L3MBTL4: variants seen among roughly 807,000 people sequenced by gnomAD.
The protein encoded by L3MBTL4 is L3MBTL histone methyl-lysine binding protein 4, also known as lethal(3)malignant brain tumor-like protein 4.
L3MBTL4 carries 70 observed loss-of-function variants against 84.5 expected under a neutral mutation model. The observed-to-expected ratio is 0.83, with a 90% CI of 0.68 to 1.01. The LOEUF (loss-of-function observed/expected upper bound fraction) is 1.01. L3MBTL4 is among the 50% of genes least tolerant of loss of function. The pLI is 0.00. For synonymous variants in L3MBTL4, 274 were observed against 259.8 expected, an observed-to-expected ratio of 1.05 and a Z score of -0.52; for missense variants, 715 against 754.8, an observed-to-expected ratio of 0.95 and a Z score of 0.62.
intron 5 of L3MBTL4, among the ~76,000 whole-genome samples, chr18:6,253,138 G>T (rs981282391): frequency 5.9e-5 from 9 of 152,146 alleles, no homozygotes; most frequent in Non-Finnish European, 1.2e-4. Context: ...GGAGGTGGAG[G>T]TTGCAATGAG....
At chr18:6,230,897 G>A (rs556328724) in intron 10 of L3MBTL4, among the ~76,000 whole-genome samples, 2 of 152,174 alleles carry the variant, frequency 1.3e-5, no homozygotes, top group African/African-American at 4.8e-5. Flanking sequence ...AAAAATGTCT[G>A]TTCATGTCCT....
intron 1 of L3MBTL4, among the ~76,000 whole-genome samples, chr18:6,378,890 A>G (rs562892067): frequency 1.2e-4 from 18 of 152,290 alleles, no homozygotes; most frequent in African/African-American, 3.8e-4. Context: ...ATAGCATTGA[A>G]TCTATAAATT....
chr18:6,197,819 A>G (rs1359217270), intron 12 of L3MBTL4, among the ~76,000 whole-genome samples: 2 of 152,212 alleles, frequency 1.3e-5, no homozygotes, highest in East Asian at 1.9e-4. Flanking sequence ...TTCTATAGGT[A>G]CAAACTCATT....
intron 16 of L3MBTL4, among the ~76,000 whole-genome samples, chr18:6,002,728 A>G (rs924303496): frequency 3.3e-5 from 5 of 152,024 alleles, no homozygotes; most frequent in Non-Finnish European, 5.9e-5. Flanking sequence ...TCAAATTGTC[A>G]CAACAAAAAT....
At chr18:6,266,447 T>C (rs536179687) in intron 4 of L3MBTL4, among the ~76,000 whole-genome samples, 27 of 152,354 alleles carry the variant, frequency 1.8e-4, no homozygotes, top group African/African-American at 6.0e-4. Flanking sequence ...TTGCTGTGAA[T>C]GTTCCAGAAG....
intron 10 of L3MBTL4, among the ~76,000 whole-genome samples, chr18:6,224,481 A>G (rs1448466521): frequency 6.6e-6 from 1 of 152,222 alleles, no homozygotes; most frequent in Non-Finnish European, 1.5e-5. Flanking sequence ...TCCCTCATGC[A>G]TTAAGGCAAA....
In L3MBTL4 at chr18:6,262,971, G is replaced by C. The variant is rs982398137; in HGVS notation, c.219+976C>G. Among the ~76,000 whole-genome samples, 4 of 152,190 alleles carry C rather than the reference G, an allele frequency of 2.6e-5. No individual in the cohort carries two copies. The South Asian group carries it at 8.3e-4, about 31-fold the overall frequency. ...AAAGTAAACCAAATAAAAAGTTGTA[G>C]TTTCCTGCTGTAAAGAAATGGGCTG... On this transcript the variant is annotated intron_variant, in intron 5 of 18. Transcript: ENST00000317931.
At chr18:6,212,338 T>A (rs1159118081) in intron 12 of L3MBTL4, among the ~76,000 whole-genome samples, 1 of 152,232 alleles carries the variant, frequency 6.6e-6, no homozygotes, top group Non-Finnish European at 1.5e-5. Flanking sequence ...CAAATAAGAT[T>A]TCTTTTAAAT....
intron 4 of L3MBTL4, among the ~76,000 whole-genome samples, chr18:6,264,676 T>C (rs1407385209): frequency 6.6e-6 from 1 of 152,028 alleles, no homozygotes; most frequent in Non-Finnish European, 1.5e-5. Context: ...CCCAGCTACT[T>C]GGAAAGCTGA....
chr18:6,400,473 G>A (rs552272806), intron 1 of L3MBTL4, among the ~76,000 whole-genome samples: 8 of 152,138 alleles, frequency 5.3e-5, no homozygotes, highest in African/African-American at 1.7e-4. Context: ...GCAGTGGTGC[G>A]AACATGGCTC....
intron 4 of L3MBTL4, among the ~76,000 whole-genome samples, chr18:6,290,530 T>TGTTTTTA (rs58374892): frequency 6.6e-6 from 1 of 151,888 alleles, no homozygotes; most frequent in Non-Finnish European, 1.5e-5. Flanking sequence ...CTTTTATTTT[T>TGTTTTTA]TTTTTTTAAT....
intron 13 of L3MBTL4, among the ~76,000 whole-genome samples, chr18:6,141,440 T>A (rs930196007): frequency 6.6e-6 from 1 of 152,166 alleles, no homozygotes; most frequent in Admixed American, 6.5e-5. Flanking sequence ...CCTTTCCACT[T>A]GATGTCTCTG....
chr18:6,095,379 G>A (rs1173275150), intron 14 of L3MBTL4, among the ~76,000 whole-genome samples: 2 of 137,626 alleles, frequency 1.5e-5, no homozygotes, highest in Non-Finnish European at 3.0e-5. Context: ...ATGGAGTCTC[G>A]CTCCGTCGCC....
chr18:6,156,760 C>T (rs894117518), intron 13 of L3MBTL4, among the ~76,000 whole-genome samples: 1 of 152,136 alleles, frequency 6.6e-6, no homozygotes, highest in Non-Finnish European at 1.5e-5. Flanking sequence ...GCTATTGTAC[C>T]TATTTTAAAG....
intron 1 of L3MBTL4, among the ~76,000 whole-genome samples, chr18:6,320,512 C>T (rs796717543): frequency 1.1e-4 from 16 of 151,868 alleles, no homozygotes; most frequent in African/African-American, 3.4e-4. Context: ...GGAACCCAAA[C>T]GCCTTTATAA....
chr18:6,403,199 C>T (rs2055583049), intron 1 of L3MBTL4, among the ~76,000 whole-genome samples: 1 of 152,208 alleles, frequency 6.6e-6, no homozygotes, highest in Non-Finnish European at 1.5e-5. Context: ...AACCTTAAGC[C>T]TACTTCCATT....
At chr18:6,279,439 T>A (rs1237555235) in intron 4 of L3MBTL4, among the ~76,000 whole-genome samples, 2 of 152,134 alleles carry the variant, frequency 1.3e-5, no homozygotes, top group Admixed American at 6.5e-5. Context: ...GCCAAACAGA[T>A]GGAGGATCAC....
At chr18:6,324,463 T>C (rs1228807469) in intron 1 of L3MBTL4, among the ~76,000 whole-genome samples, 1 of 152,208 alleles carries the variant, frequency 6.6e-6, no homozygotes. Context: ...CCTTGCAAAG[T>C]CATAGGAGCT....
In L3MBTL4 at chr18:6,171,827, C is replaced by T. The variant is rs200832379; in HGVS notation, c.1096+1G>A. On this transcript the variant is annotated splice_donor_variant, in intron 13 of 18. Transcript: ENST00000317931. LOFTEE classifies it high-confidence loss of function. ...GCAACAACAAAGAGCAAAGTACTCACGCTGTGGCACTTCCAGTGGATGCCC... is the reference window on the plus strand; with the variant it reads ...GCAACAACAAAGAGCAAAGTACTCATGCTGTGGCACTTCCAGTGGATGCCC... 21 of 1,523,240 alleles carry T rather than the reference C, an allele frequency of 1.4e-5. No individual in the cohort carries two copies. The highest frequency in any genetic ancestry group is 2.5e-5 in the East Asian group (1 of 40,634). 94.4% of individuals were successfully genotyped at this position (1,523,240 alleles called of 1,614,324 possible).
Sources: allele counts gnomAD v4.1 joint callset (sites outside exome capture counted in the v4.1 genomes callset), GRCh38; gene constraint gnomAD v4.1.1; transcripts MANE v1.5; gene names NCBI Gene and HGNC (gene_info 2026-07-23, HGNC 2026-07-21).